MED7: variants seen among roughly 807,000 people sequenced by gnomAD.
MED7 encodes the protein mediator of RNA polymerase II transcription subunit 7.
MED7 carries 7 observed loss-of-function variants against 16.6 expected under a neutral mutation model. The ratio of observed to expected loss-of-function variants is 0.42; its 90% CI spans 0.24 to 0.79. The LOEUF (loss-of-function observed/expected upper bound fraction) is 0.79. MED7 is among the 30% of genes least tolerant of loss of function. The pLI, the probability that MED7 is intolerant of heterozygous loss-of-function variation, is 0.27. For missense variants in MED7, 240 were observed against 286.3 expected (o/e 0.84, Z 1.17); for synonymous variants, 88 against 90.5 (o/e 0.97, Z 0.16).
rs1021665525 is a variant in MED7, at chr5:157,138,764, C to A, written c.668G>T (p.Cys223Phe). 1 of 1,610,916 alleles carries A rather than the reference C, an allele frequency of 6.2e-7. No individual in the cohort carries two copies. Among genetic ancestry groups the A allele is most frequent in the Non-Finnish European group, 8.5e-7 (1 of 1,178,486 alleles). Residue 223 changes from cysteine (C) to phenylalanine (F), a missense_variant, in exon 2 of 2, where the codon TGT (cysteine) becomes TTT (phenylalanine). Physicochemically the swap from Cys to Phe is radical, Grantham distance 205. Coordinates refer to ENST00000286317, the MANE Select transcript of MED7 (RefSeq NM_004270.5). ...TTCATTCATCTCATCAATTAGGACA[C>A]ACAAGGCAGCATCTTTCTCTATAAT... ...DQIIEKDAALCVLIDEMNERP is the reference protein window; with the variant it reads ...DQIIEKDAALFVLIDEMNERP
At chr5:157,141,755 A>G (rs953234501) in intron 1 of MED7, among the ~76,000 whole-genome samples, 2 of 151,772 alleles carry the variant, frequency 1.3e-5, no homozygotes, top group African/African-American at 2.4e-5. Flanking sequence ...ACGCCCAGCT[A>G]ATTTTTGTAT....
rs536571029 is a variant in MED7, at chr5:157,140,180, T to G, written c.-17-732A>C. Among the ~76,000 whole-genome samples the G allele has an allele frequency of 5.3e-5, 8 of 152,178 alleles. No individual in the cohort carries two copies. The South Asian group carries it at 1.7e-3, about 32-fold the overall frequency. Reference sequence around the variant, plus strand: ...ACAGGCGTGCACCATGTCTGGCTAATTTTTGTATTTTTAGTAGAGACGGGA... The same window carrying G: ...ACAGGCGTGCACCATGTCTGGCTAAGTTTTGTATTTTTAGTAGAGACGGGA... On this transcript the variant is annotated intron_variant, in intron 1 of 1. Transcript: ENST00000286317.
intron 1 of MED7, among the ~76,000 whole-genome samples, chr5:157,142,171 C>T (rs889046679): frequency 2.0e-5 from 3 of 152,154 alleles, no homozygotes; most frequent in Non-Finnish European, 2.9e-5. Flanking sequence ...TTAATAAAAG[C>T]AGAGCCAAGC....
In MED7 at chr5:157,138,459, T is replaced by C. The variant is rs1757670212; in HGVS notation, c.*271A>G. 1 of 329,580 alleles carries C rather than the reference T, an allele frequency of 3.0e-6. No individual in the cohort carries two copies. The highest frequency in any genetic ancestry group is 2.1e-5 in the African/African-American group (1 of 46,946). The allele number at this position is 329,580 out of a possible 1,614,324, so 20.4% of individuals were successfully genotyped here. On this transcript the variant is annotated 3_prime_UTR_variant, in exon 2 of 2. Transcript: ENST00000286317. ...CTATTATTGAGGTTATCATCAAAGT[T>C]TTACTGCAACTCTAAAACATAGGAA...
chr5:157,140,626 C>T (rs1250394335), intron 1 of MED7, among the ~76,000 whole-genome samples: 1 of 152,060 alleles, frequency 6.6e-6, no homozygotes, highest in South Asian at 2.1e-4. Flanking sequence ...ATGATGCAGC[C>T]TCGCCCTCCT....
chr5:157,142,551 T>A (rs1248121233), intron 1 of MED7: 1 of 152,206 alleles, frequency 6.6e-6, no homozygotes, highest in African/African-American at 2.4e-5. Flanking sequence ...TCTCCCAACC[T>A]CCACTCCGGC....
rs36073794 is a variant in MED7 at position 157,138,869 on chromosome 5, G to T, written c.563C>A (p.Pro188Gln). The change falls in exon 2 of 2, where the codon CCA (proline) becomes CAA (glutamine). Residue 188 changes from proline to glutamine, a missense_variant. Transcript: ENST00000286317. ...SEAGMRVKTE[P>Q]MDADDSNNCT... ...ATTGTTGCTATCATCAGCATCCATT[G>T]GTTCAGTTTTTACTCTCATTCCTGC... 2.5e-6 allele frequency: 4 copies of T among 1,614,026 alleles called. No individual in the cohort carries two copies. Among genetic ancestry groups the T allele is most frequent in the Non-Finnish European group, 3.4e-6 (4 of 1,180,018 alleles).
Position 157,137,802 on chromosome 5 carries a change from A to G in MED7, c.*928T>C, listed in dbSNP as rs1227640172. The G allele has an allele frequency of 6.6e-6, 1 of 152,212 alleles. No individual in the cohort carries two copies. Among genetic ancestry groups the G allele is most frequent in the East Asian group, 1.9e-4 (1 of 5,198 alleles). 9.4% of individuals were successfully genotyped at this position (152,212 alleles called of 1,614,324 possible). ...GTCCAACCAGCAGCTGGGAGAAGAG[A>G]ATGGAGGATCATGCAAGAAATGTTT... On this transcript the variant is annotated 3_prime_UTR_variant, in exon 2 of 2. Coordinates refer to ENST00000286317, the MANE Select transcript of MED7 (RefSeq NM_004270.5).
chr5:157,140,373 C>T (rs1454817007), intron 1 of MED7, among the ~76,000 whole-genome samples: 1 of 152,104 alleles, frequency 6.6e-6, no homozygotes, highest in African/African-American at 2.4e-5. Flanking sequence ...CAGGTTCAAA[C>T]CCAGTATCTA....
intron 1 of MED7, 76 bp downstream of exon 1, chr5:157,142,741 CCAG>C (rs1256939031): frequency 6.6e-6 from 1 of 152,634 alleles, no homozygotes; most frequent in Non-Finnish European, 1.5e-5. Flanking sequence ...AGTTCCCAGC[CCAG>C]CACAGAGGAA....
In MED7 at chr5:157,138,868, T is replaced by C; in HGVS notation, c.564A>G (p.Pro188=). Reference sequence around the variant, plus strand: ...AATTGTTGCTATCATCAGCATCCATTGGTTCAGTTTTTACTCTCATTCCTG... The same window carrying C: ...AATTGTTGCTATCATCAGCATCCATCGGTTCAGTTTTTACTCTCATTCCTG... ...SEAGMRVKTE[P]MDADDSNNCT... is the part of the protein sequence containing the mutation. The change falls in exon 2 of 2, where the codon CCA becomes CCG. Residue 188 remains proline, a synonymous_variant. Coordinates refer to ENST00000286317, the MANE Select transcript of MED7 (RefSeq NM_004270.5). The C allele has an allele frequency of 6.2e-7, 1 of 1,614,194 alleles. No homozygotes were observed. Among genetic ancestry groups the C allele is most frequent in the Non-Finnish European group, 8.5e-7 (1 of 1,180,036 alleles).
chr5:157,142,164 A>G (rs915633019), intron 1 of MED7, among the ~76,000 whole-genome samples: 3 of 152,170 alleles, frequency 2.0e-5, no homozygotes, highest in African/African-American at 7.2e-5. Flanking sequence ...CTTATTTTTA[A>G]TAAAAGCAGA....
At chr5:157,141,033 G>C (rs187224736) in intron 1 of MED7, among the ~76,000 whole-genome samples, 197 of 152,228 alleles carry the variant, frequency 1.3e-3, no homozygotes, top group Non-Finnish European at 2.5e-3. Flanking sequence ...TCTACCCAAA[G>C]CACAATTACC....
intron 1 of MED7, among the ~76,000 whole-genome samples, chr5:157,142,117 G>C (rs536841747): frequency 5.9e-5 from 9 of 152,216 alleles, no homozygotes; most frequent in Non-Finnish European, 1.2e-4. Flanking sequence ...TTTCTCTACT[G>C]TCTCTCTAGA....
intron 1 of MED7, among the ~76,000 whole-genome samples, chr5:157,140,045 G>A (rs1485913788): frequency 6.6e-6 from 1 of 152,130 alleles, no homozygotes; most frequent in African/African-American, 2.4e-5. Flanking sequence ...GTCTTGCTCT[G>A]ATGTCCAGGC....
intron 1 of MED7, chr5:157,142,494 A>T (rs1262388224): frequency 1.3e-5 from 2 of 152,272 alleles, no homozygotes; most frequent in Admixed American, 1.3e-4. Flanking sequence ...GACTCGCCCA[A>T]GGCCACACAG....
chr5:157,140,990 TCA>T (rs1267152417), intron 1 of MED7, among the ~76,000 whole-genome samples: 7 of 152,250 alleles, frequency 4.6e-5, no homozygotes, highest in Admixed American at 1.3e-4. Context: ...CCTGAATACT[TCA>T]GTGTGTTTTC....
chr5:157,141,582 G>T (rs985305948), intron 1 of MED7, among the ~76,000 whole-genome samples: 23 of 151,880 alleles, frequency 1.5e-4, no homozygotes, highest in Non-Finnish European at 3.2e-4. Context: ...GGTTTTTGGG[G>T]TTTTTGTTGT....
rs949514107 is a variant in MED7 at position 157,138,517 on chromosome 5, T to C, written c.*213A>G. ...TACAACAGCAGCTAACACTTTGCTT[T>C]TTAAAGTGATTCTTCTTAGTGCAGG... On this transcript the variant is annotated 3_prime_UTR_variant, in exon 2 of 2. Transcript: ENST00000286317. The C allele has an allele frequency of 8.5e-6, 4 of 468,026 alleles. No individual in the cohort carries two copies. The highest frequency in any genetic ancestry group is 6.0e-5 in the African/African-American group (3 of 49,818). 29.0% of individuals were successfully genotyped at this position (468,026 alleles called of 1,614,324 possible). A position where few individuals can be genotyped will look rare whatever the true frequency, so the allele number is the denominator to read the frequency against.
Sources: allele counts gnomAD v4.1 joint callset (sites outside exome capture counted in the v4.1 genomes callset), GRCh38; gene constraint gnomAD v4.1.1; transcripts MANE v1.5; gene names NCBI Gene and HGNC (gene_info 2026-07-23, HGNC 2026-07-21).